The following DACH1 variants were observed in gnomAD, a reference collection of about 807,000 sequenced individuals.
The protein encoded by DACH1 is dachshund family transcription factor 1.
In DACH1, 12 loss-of-function variants were observed where a neutral mutation model predicts 54.2. That is an observed-to-expected ratio of 0.22 (90% CI 0.14 to 0.36). DACH1 has a LOEUF of 0.36. Ranked by LOEUF, DACH1 falls within the 10% of genes least tolerant of loss-of-function variation. The pLI is 1.00. For synonymous variants in DACH1, 386 were observed against 366.2 expected (o/e 1.05, Z -0.62); for missense variants, 805 against 929.8 (o/e 0.87, Z 1.75).
At chr13:71,633,120 ATAAAGG>A (rs1877227204) in intron 2 of DACH1, among the ~76,000 whole-genome samples, 1 of 152,222 alleles carries the variant, frequency 6.6e-6, no homozygotes, top group African/African-American at 2.4e-5. Flanking sequence ...TATTCAAATA[ATAAAGG>A]TAAACTTACA....
chr13:71,658,005 T>C (rs879018183), intron 2 of DACH1, among the ~76,000 whole-genome samples: 4 of 152,204 alleles, frequency 2.6e-5, no homozygotes, highest in Admixed American at 2.6e-4. Flanking sequence ...AACTAACTTC[T>C]ATTAAATACC....
At chr13:71,485,747 T>A (rs987133490) in intron 7 of DACH1, among the ~76,000 whole-genome samples, 1 of 151,472 alleles carries the variant, frequency 6.6e-6, no homozygotes, top group Non-Finnish European at 1.5e-5. Context: ...CACACCCAGC[T>A]AATTTTTACA....
intron 1 of DACH1, among the ~76,000 whole-genome samples, chr13:71,773,893 C>T (rs1885959862): frequency 6.6e-6 from 1 of 151,302 alleles, no homozygotes; most frequent in Non-Finnish European, 1.5e-5. Flanking sequence ...TGTTCACAAA[C>T]TATGCATGTT....
chr13:71,721,956 T>G (rs114301714), intron 1 of DACH1, among the ~76,000 whole-genome samples: 2,227 of 152,228 alleles, frequency 0.015, 44 homozygotes, highest in East Asian at 0.046. Context: ...TGATATTTAT[T>G]ATAAGGATAG....
At chr13:71,756,789 T>G (rs2137994895) in intron 1 of DACH1, among the ~76,000 whole-genome samples, 1 of 152,262 alleles carries the variant, frequency 6.6e-6, no homozygotes, top group African/African-American at 2.4e-5. Flanking sequence ...CTCAATTTTC[T>G]AAAGGAAAAA....
intron 2 of DACH1, chr13:71,674,996 C>T: frequency 1.4e-6 from 1 of 702,622 alleles, no homozygotes. Context: ...TCTCCAACGC[C>T]AGCGCCGCCT....
At chr13:71,863,517 G>A (rs144559782) in intron 1 of DACH1, among the ~76,000 whole-genome samples, 1 of 152,272 alleles carries the variant, frequency 6.6e-6, no homozygotes, top group East Asian at 1.9e-4. Flanking sequence ...CATAATTACA[G>A]TAGTGATGAG....
At chr13:71,480,862 T>A (rs1238892419) in intron 7 of DACH1, among the ~76,000 whole-genome samples, 1 of 152,212 alleles carries the variant, frequency 6.6e-6, no homozygotes, top group African/African-American at 2.4e-5. Context: ...TATTCCATAT[T>A]TGCTATACCT....
intron 6 of DACH1, among the ~76,000 whole-genome samples, chr13:71,537,225 C>A (rs1593854070): frequency 6.6e-6 from 1 of 152,182 alleles, no homozygotes; most frequent in East Asian, 1.9e-4. Flanking sequence ...CCCAGCTCCA[C>A]TGCACCAGAA....
chr13:71,755,946 T>C (rs1885128262), intron 1 of DACH1, among the ~76,000 whole-genome samples: 1 of 152,160 alleles, frequency 6.6e-6, no homozygotes. Context: ...GAAAAAATAC[T>C]AAAAAATGTT....
intron 5 of DACH1, among the ~76,000 whole-genome samples, 184 bp from the exon 6 acceptor site, chr13:71,557,342 G>T (rs968186955): frequency 4.6e-5 from 7 of 151,998 alleles, no homozygotes; most frequent in African/African-American, 1.7e-4. Flanking sequence ...ATGATAATTT[G>T]TCAGAATATG....
intron 1 of DACH1, among the ~76,000 whole-genome samples, chr13:71,772,642 T>C (rs1885906334): frequency 6.6e-6 from 1 of 151,758 alleles, no homozygotes; most frequent in South Asian, 2.1e-4. Flanking sequence ...TGGTTTTAGC[T>C]GACAAATGTA....
intron 2 of DACH1, among the ~76,000 whole-genome samples, chr13:71,670,046 G>A (rs1404491830): frequency 1.3e-5 from 2 of 151,530 alleles, no homozygotes; most frequent in African/African-American, 2.4e-5. Context: ...AAAGTCCATG[G>A]TATTCATTTT....
intron 1 of DACH1, among the ~76,000 whole-genome samples, chr13:71,808,736 C>G (rs568614921): frequency 1.4e-4 from 22 of 152,090 alleles, no homozygotes; most frequent in Non-Finnish European, 2.4e-4. Flanking sequence ...CAAGGTAAAA[C>G]TTTCAAAAAA....
At chr13:71,451,053 GATA>G (rs1421519567) in intron 10 of DACH1, among the ~76,000 whole-genome samples, 1 of 152,026 alleles carries the variant, frequency 6.6e-6, no homozygotes, top group African/African-American at 2.4e-5. Context: ...TTATGATGAT[GATA>G]ATCATCATCA....
chr13:71,798,325 T>C (rs879902405), intron 1 of DACH1, among the ~76,000 whole-genome samples: 2 of 9,568 alleles, frequency 2.1e-4, no homozygotes, highest in Non-Finnish European at 5.5e-4. Context: ...GTTACATACA[T>C]ATATATATAT....
intron 2 of DACH1, among the ~76,000 whole-genome samples, chr13:71,638,424 A>G (rs1468519567): frequency 6.6e-6 from 1 of 152,172 alleles, no homozygotes; most frequent in Non-Finnish European, 1.5e-5. Context: ...CGGATTCTCC[A>G]GCTGAAATGA....
At chr13:71,803,090 C>T (rs1485626101) in intron 1 of DACH1, among the ~76,000 whole-genome samples, 1 of 151,954 alleles carries the variant, frequency 6.6e-6, no homozygotes, top group Non-Finnish European at 1.5e-5. Flanking sequence ...CTCTTAAGTC[C>T]TATTTTGAAA....
chr13:71,474,937 TA>T (rs1304121148), intron 10 of DACH1, among the ~76,000 whole-genome samples: 1 of 152,216 alleles, frequency 6.6e-6, no homozygotes, highest in African/African-American at 2.4e-5. Context: ...TTGCATTGTA[TA>T]AACAGAGATG....
Sources: gnomAD v4.1 joint callset for allele counts (sites outside exome capture counted in the v4.1 genomes callset) on GRCh38, gnomAD v4.1.1 for gene constraint, MANE v1.5 for transcripts, NCBI Gene and HGNC (gene_info 2026-07-23, HGNC 2026-07-21) for gene names.